PDE3A: variants seen among roughly 807,000 people sequenced by gnomAD.
The protein encoded by PDE3A is cGMP-inhibited 3',5'-cyclic phosphodiesterase 3A.
A neutral mutation model predicts 98.3 loss-of-function variants in PDE3A; 43 were observed. That is an observed-to-expected ratio of 0.44 (90% CI 0.34 to 0.56). The LOEUF (loss-of-function observed/expected upper bound fraction) is 0.56, where lower values mean the gene tolerates loss of function less well. Ranked by LOEUF, PDE3A falls within the 20% of genes least tolerant of loss-of-function variation. The pLI is 0.01. For missense variants in PDE3A, 1,427 were observed against 1,440.7 expected (o/e 0.99, Z 0.15); for synonymous variants, 663 against 567.9 (o/e 1.17, Z -2.38).
intron 2 of PDE3A, among the ~76,000 whole-genome samples, chr12:20,608,964 G>C (rs1165817824): frequency 1.3e-5 from 2 of 151,914 alleles, no homozygotes; most frequent in African/African-American, 4.8e-5. Context: ...TAGTTTATTA[G>C]AACAACATGG....
At chr12:20,570,606 T>C (rs1942782398) in intron 2 of PDE3A, among the ~76,000 whole-genome samples, 1 of 152,056 alleles carries the variant, frequency 6.6e-6, no homozygotes, top group Non-Finnish European at 1.5e-5. Context: ...AAATATGAAA[T>C]AGGTTAAATG....
At chr12:20,585,029 C>T (rs1391930090) in intron 2 of PDE3A, among the ~76,000 whole-genome samples, 3 of 152,138 alleles carry the variant, frequency 2.0e-5, no homozygotes, top group Non-Finnish European at 4.4e-5. Flanking sequence ...CTTAAAAGTA[C>T]AAATCTACTA....
At position 20,534,008 on chromosome 12, in the gene PDE3A, C is replaced by A. The variant is rs999085876; in HGVS notation, c.961-22652C>A. On this transcript the variant is annotated intron_variant, in intron 1 of 15. Transcript: ENST00000359062. The stretch of plus-strand genomic sequence containing the variant: ...GTACTTTCACATTCTTAGCATCTGC[C>A]AGGGGTGTTCCATATACCTGGCATG... Among the ~76,000 whole-genome samples, 7 of 152,026 alleles carry A rather than the reference C, an allele frequency of 4.6e-5. No individual in the cohort carries two copies. The East Asian group carries it at 1.4e-3, about 29-fold the overall frequency.
intron 6 of PDE3A, among the ~76,000 whole-genome samples, chr12:20,633,102 C>T (rs140189174): frequency 5.9e-5 from 9 of 152,124 alleles, no homozygotes; most frequent in African/African-American, 1.9e-4. Context: ...CAGGCATCCA[C>T]CACCCTGCCT....
At chr12:20,597,843 TCA>T (rs1943501961) in intron 2 of PDE3A, among the ~76,000 whole-genome samples, 1 of 151,978 alleles carries the variant, frequency 6.6e-6, no homozygotes, top group African/African-American at 2.4e-5. Context: ...CCAATAGATT[TCA>T]GTTAATATTT....
At chr12:20,585,778 C>A (rs1367544105) in intron 2 of PDE3A, among the ~76,000 whole-genome samples, 2 of 152,094 alleles carry the variant, frequency 1.3e-5, no homozygotes, top group Non-Finnish European at 2.9e-5. Context: ...CTTTTGCTTT[C>A]TTTAGTAATG....
intron 1 of PDE3A, among the ~76,000 whole-genome samples, chr12:20,470,158 T>A (rs1285453465): frequency 1.3e-5 from 2 of 152,180 alleles, no homozygotes; most frequent in Admixed American, 1.3e-4. Flanking sequence ...TTCAGTATCC[T>A]CCATTATTTT....
rs1203912944 is a variant in PDE3A at position 20,681,621 on chromosome 12, G to A, written c.*1350G>A. On this transcript the variant is annotated 3_prime_UTR_variant, in exon 16 of 16. Coordinates refer to ENST00000359062, the MANE Select transcript of PDE3A (RefSeq NM_000921.5). ...GGTGTTCCACACGCTGTTTGTTGGGGTAGCTTCCATCGGCAGTCTGGCCCA... is the reference window on the plus strand; with the variant it reads ...GGTGTTCCACACGCTGTTTGTTGGGATAGCTTCCATCGGCAGTCTGGCCCA... 6.6e-6 allele frequency: 1 copy of A among 152,192 alleles called. No homozygotes were observed. The highest frequency in any genetic ancestry group is 1.9e-4 in the East Asian group (1 of 5,188). 9.4% of individuals were successfully genotyped at this position (152,192 alleles called of 1,614,324 possible). A position where few individuals can be genotyped will look rare whatever the true frequency, so the allele number is the denominator to read the frequency against.
intron 5 of PDE3A, among the ~76,000 whole-genome samples, chr12:20,622,994 T>C (rs11045339): frequency 0.47 from 71,058 of 151,902 alleles, 17,242 homozygotes; most frequent in South Asian, 0.62. Flanking sequence ...AATATTTAAA[T>C]TAAAATTTAA....
chr12:20,384,575 G>A (rs1321244496), intron 1 of PDE3A, among the ~76,000 whole-genome samples: 2 of 151,756 alleles, frequency 1.3e-5, no homozygotes, highest in African/African-American at 4.8e-5. Context: ...GGATGTGCAG[G>A]TTTGCTATGT....
chr12:20,434,972 C>T (rs1944756567), intron 1 of PDE3A, among the ~76,000 whole-genome samples: 1 of 152,134 alleles, frequency 6.6e-6, no homozygotes, highest in Admixed American at 6.5e-5. Flanking sequence ...ATGAGGGTTC[C>T]ACATTGAAAG....
At chr12:20,489,884 G>T (rs1277285736) in intron 1 of PDE3A, among the ~76,000 whole-genome samples, 1 of 152,134 alleles carries the variant, frequency 6.6e-6, no homozygotes, top group Admixed American at 6.5e-5. Context: ...GGGCTGTGGA[G>T]GTGTTGACGT....
chr12:20,560,291 T>C (rs1488197463), intron 2 of PDE3A, among the ~76,000 whole-genome samples: 1 of 152,134 alleles, frequency 6.6e-6, no homozygotes, highest in Non-Finnish European at 1.5e-5. Context: ...TTGGAAAATA[T>C]GCTATAAAGA....
At chr12:20,536,673 A>G (rs975939997) in intron 1 of PDE3A, among the ~76,000 whole-genome samples, 57 of 152,206 alleles carry the variant, frequency 3.7e-4, no homozygotes, top group African/African-American at 1.3e-3. Flanking sequence ...TTCACTTAGC[A>G]TAATGTTTTG....
intron 1 of PDE3A, among the ~76,000 whole-genome samples, chr12:20,495,887 G>C (rs1264453120): frequency 6.6e-6 from 1 of 152,132 alleles, no homozygotes; most frequent in Non-Finnish European, 1.5e-5. Flanking sequence ...AAACTAAATG[G>C]ACAACATTTA....
At chr12:20,370,400 G>GTTTTTT (rs776856187) in intron 1 of PDE3A, 156 bp downstream of exon 1, 1 of 357,622 alleles carries the variant, frequency 2.8e-6, no homozygotes, top group African/African-American at 2.7e-5. Context: ...TTTTTTTTTT[G>GTTTTTT]TTTTTTTTGT....
At chr12:20,526,435 A>C (rs995160982) in intron 1 of PDE3A, among the ~76,000 whole-genome samples, 4 of 152,180 alleles carry the variant, frequency 2.6e-5, no homozygotes, top group African/African-American at 9.6e-5. Flanking sequence ...TCACTTGAAA[A>C]TCATTTTTTA....
At chr12:20,572,979 A>G (rs1224546670) in intron 2 of PDE3A, among the ~76,000 whole-genome samples, 1 of 152,098 alleles carries the variant, frequency 6.6e-6, no homozygotes, top group Non-Finnish European at 1.5e-5. Flanking sequence ...ACTAGTCTAC[A>G]TTTCTAAACA....
intron 1 of PDE3A, chr12:20,553,057 G>A (rs1942259942): frequency 1.7e-6 from 2 of 1,190,128 alleles, no homozygotes; most frequent in Non-Finnish European, 2.4e-6. Flanking sequence ...ACGTGTCGGA[G>A]GGCTCGTTCA....
Sources: gnomAD v4.1 joint callset for allele counts (sites outside exome capture counted in the v4.1 genomes callset) on GRCh38, gnomAD v4.1.1 for gene constraint, MANE v1.5 for transcripts, NCBI Gene and HGNC (gene_info 2026-07-23, HGNC 2026-07-21) for gene names.